TACC2: variants seen among roughly 807,000 people sequenced by gnomAD.
TACC2 encodes transforming acidic coiled-coil containing protein 2, also known as transforming acidic coiled-coil-containing protein 2.
In TACC2, 137 loss-of-function variants were observed where a neutral mutation model predicts 227.3. That is an observed-to-expected ratio of 0.60 (90% confidence interval 0.52 to 0.69). The LOEUF (loss-of-function observed/expected upper bound fraction) is 0.69, where lower values mean the gene tolerates loss of function less well. Among genes scored for constraint, TACC2 ranks in the 30% least tolerant of loss-of-function variants. The pLI is 0.00. For missense variants in TACC2, 3,470 were observed against 3,694.4 expected (o/e 0.94, Z 1.57); for synonymous variants, 1,523 against 1,487.5 (o/e 1.02, Z -0.55).
chr10:122,022,928 C>A (rs1340103702), intron 2 of TACC2: 1 of 152,210 alleles, frequency 6.6e-6, no homozygotes, highest in Non-Finnish European at 1.5e-5. Flanking sequence ...AAGACACTTT[C>A]TCATTTATCT....
At chr10:122,097,424 A>G (rs949539961) in intron 5 of TACC2, among the ~76,000 whole-genome samples, 6 of 152,036 alleles carry the variant, frequency 3.9e-5, no homozygotes, top group Admixed American at 3.3e-4. Flanking sequence ...AGGGGAAGGG[A>G]GTCTATGTCC....
At chr10:122,021,907 C>G (rs1306880677) in intron 1 of TACC2, 30 bp from the exon 2 acceptor site, 1 of 1,373,426 alleles carries the variant, frequency 7.3e-7, no homozygotes, top group African/African-American at 1.4e-5. Context: ...TTTCATTTCA[C>G]AGACGTTTAT....
intron 1 of TACC2, among the ~76,000 whole-genome samples, chr10:122,016,108 T>G (rs1956578192): frequency 1.4e-5 from 2 of 142,122 alleles, no homozygotes; most frequent in African/African-American, 5.3e-5. Flanking sequence ...AAAAAAATAC[T>G]AAGAGTAGCC....
In TACC2 at chr10:122,086,015, C is replaced by T. The variant is rs750833650; in HGVS notation, c.3515C>T (p.Ala1172Val). 1 of 1,613,926 alleles carries T rather than the reference C, an allele frequency of 6.2e-7. No individual in the cohort carries two copies. Among genetic ancestry groups the T allele is most frequent in the Non-Finnish European group, 8.5e-7 (1 of 1,180,012 alleles). The change falls in exon 4 of 23, where the codon GCT becomes GTT. Residue 1172 changes from alanine (A) to valine (V), a missense_variant. By Grantham distance (64) the Ala-to-Val change is moderately conservative (BLOSUM62 0). This residue lies in a region of TACC2 where 1,924 missense variants were observed against 1,978.3 expected (regional missense o/e 0.97). Transcript: ENST00000369005. ...CACTGCCTTACCTCCGGGGAGGAAG[C>T]TTCTACCTCTGCCCTACGTGAGTCC... The part of the protein sequence containing the change: ...TEHCLTSGEE[A>V]STSALRESCQ...
Position 122,216,659 on chromosome 10 carries a change from A to G in TACC2, c.7377A>G (p.Pro2459=), listed in dbSNP as rs746649237. The G allele has an allele frequency of 6.2e-7, 1 of 1,613,626 alleles. No homozygotes were observed. Among genetic ancestry groups the G allele is most frequent in the Non-Finnish European group, 8.5e-7 (1 of 1,179,896 alleles). Residue 2459 remains proline, a synonymous_variant, in exon 11 of 23, where the codon CCA becomes CCG. Coordinates refer to ENST00000369005, the MANE Select transcript of TACC2 (RefSeq NM_206862.4). The part of the protein sequence containing the change: ...DPTPAATPET[P]PVISAVVHAT... Reference sequence around the variant, plus strand: ...CCCCAGCTGCTACACCAGAAACACCACCAGTGATCTCTGCGGTGGTCCACG... The same window carrying G: ...CCCCAGCTGCTACACCAGAAACACCGCCAGTGATCTCTGCGGTGGTCCACG...
In TACC2 at chr10:122,083,644, G is replaced by A. The variant is rs1453929654; in HGVS notation, c.1144G>A (p.Gly382Arg). Residue 382 changes from glycine (G) to arginine (R), a missense_variant, in exon 4 of 23, where the codon GGA (glycine) becomes AGA (arginine). Transcript: ENST00000369005. The part of the protein sequence containing the change: ...VQGHPQTGMR[G>R]TKPNQVVCVA... ...GGGTCACCCACAGACAGGGATGCGA[G>A]GAACCAAGCCCAATCAAGTTGTCTG... 2 of 1,611,208 alleles carry A rather than the reference G, an allele frequency of 1.2e-6. No individual in the cohort carries two copies. The highest frequency in any genetic ancestry group is 2.2e-5 in the East Asian group (1 of 44,876).
intron 1 of TACC2, among the ~76,000 whole-genome samples, chr10:122,017,818 C>CAA (rs5788525): frequency 0.036 from 2,695 of 74,868 alleles, 209 homozygotes; most frequent in African/African-American, 0.11. Flanking sequence ...GAAACTGTCT[C>CAA]AAAAAAAAAA....
In TACC2 at chr10:122,085,503, G is replaced by A. The variant is rs1318279705; in HGVS notation, c.3003G>A (p.Leu1001=). ...CTCAACAGGCATTGGCTGATGCCTTGGAAGAAGGCAGCCAGCATGAAGAAG... is the reference window on the plus strand; with the variant it reads ...CTCAACAGGCATTGGCTGATGCCTTAGAAGAAGGCAGCCAGCATGAAGAAG... ...NKSQQALADA[L]EEGSQHEEAC... is the part of the protein sequence containing the mutation. Residue 1001 remains leucine, a synonymous_variant, in exon 4 of 23, where the codon TTG becomes TTA. Transcript: ENST00000369005. 1.9e-6 allele frequency: 3 copies of A among 1,613,468 alleles called. No homozygotes were observed. The African/African-American group carries it at 4.0e-5, about 22-fold the overall frequency.
chr10:122,237,274 C>G, intron 16 of TACC2, 121 bp from the exon 17 acceptor site: 1 of 980,118 alleles, frequency 1.0e-6, no homozygotes, highest in Non-Finnish European at 1.5e-6. Flanking sequence ...CTTTCTCATA[C>G]TTTTGATGTT....
intron 7 of TACC2, among the ~76,000 whole-genome samples, chr10:122,193,080 G>T (rs1238357626): frequency 6.6e-6 from 1 of 152,184 alleles, no homozygotes; most frequent in Admixed American, 6.5e-5. Flanking sequence ...ATGAGTGTTT[G>T]TAAGAAGTCA....
In TACC2 at chr10:122,249,024, G is replaced by T. The variant is rs760198178; in HGVS notation, c.8554-26G>T. 2.5e-6 allele frequency: 4 copies of T among 1,597,194 alleles called. No individual in the cohort carries two copies. In the East Asian group the frequency reaches 9.0e-5, roughly 36 times the overall value. Reference sequence around the variant, plus strand: ...GGGCATTTGTTCTCGTGGGCTTGACGCCTGTCCTCTGCCCTGCTGTGTCAG... The same window carrying T: ...GGGCATTTGTTCTCGTGGGCTTGACTCCTGTCCTCTGCCCTGCTGTGTCAG... On this transcript the variant is annotated intron_variant, in intron 20 of 22. Coordinates refer to ENST00000369005, the MANE Select transcript of TACC2 (RefSeq NM_206862.4).
At chr10:122,074,785 G>C (rs1205040083) in intron 3 of TACC2, among the ~76,000 whole-genome samples, 1 of 152,188 alleles carries the variant, frequency 6.6e-6, no homozygotes, top group Non-Finnish European at 1.5e-5. Flanking sequence ...AAGCTTATCT[G>C]TGTCACTGTG....
rs1005068564 is a variant in TACC2, at chr10:122,180,589, C to T, written c.5835-14451C>T. Among the ~76,000 whole-genome samples the T allele has an allele frequency of 6.6e-6, 1 of 152,176 alleles. No individual in the cohort carries two copies. Among genetic ancestry groups the T allele is most frequent in the African/African-American group, 2.4e-5 (1 of 41,444 alleles). On this transcript the variant is annotated intron_variant, in intron 7 of 22. Transcript: ENST00000369005. The surrounding 1 kb of genome is among the most constrained non-coding windows in gnomAD (Gnocchi z 4.5). ...TCCTGACCTTGTGATCCACCTGCCT[C>T]GGCGTCCCGAAGTGCTGGGATTACA...
At chr10:122,198,634 C>T (rs1285720881) in intron 8 of TACC2, among the ~76,000 whole-genome samples, 3 of 152,226 alleles carry the variant, frequency 2.0e-5, no homozygotes, top group Admixed American at 6.5e-5. Context: ...CAGTGACACG[C>T]GGAGGTTACG....
At chr10:122,030,390 A>G (rs546213883) in intron 2 of TACC2, among the ~76,000 whole-genome samples, 1 of 152,160 alleles carries the variant, frequency 6.6e-6, no homozygotes, top group Non-Finnish European at 1.5e-5. Flanking sequence ...TGCTGTATAC[A>G]TTGTCAAAAT....
At chr10:122,082,611 A>G in intron 3 of TACC2, 36 bp from the exon 4 acceptor site, 4 of 1,570,296 alleles carry the variant, frequency 2.5e-6, no homozygotes, top group Non-Finnish European at 3.5e-6. Flanking sequence ...TGTCCTTGGC[A>G]TCCATGATAA....
chr10:122,166,015 A>G (rs1483037690), intron 7 of TACC2, among the ~76,000 whole-genome samples: 1 of 152,218 alleles, frequency 6.6e-6, no homozygotes. Flanking sequence ...CCATGCAGCT[A>G]AAAATGCATG....
At chr10:122,008,550 G>A (rs1457347063) in intron 1 of TACC2, among the ~76,000 whole-genome samples, 4 of 148,734 alleles carry the variant, frequency 2.7e-5, no homozygotes, top group Non-Finnish European at 4.5e-5. Context: ...ATGAGCCACT[G>A]CGCCCAGCAC....
chr10:122,169,353 G>A (rs1447270535), intron 7 of TACC2, among the ~76,000 whole-genome samples: 1 of 152,148 alleles, frequency 6.6e-6, no homozygotes, highest in African/African-American at 2.4e-5. Flanking sequence ...CTGCAAGGTG[G>A]GTGACTTCTA....
Sources: gnomAD v4.1 joint callset for allele counts (sites outside exome capture counted in the v4.1 genomes callset) on GRCh38, gnomAD v4.1.1 for gene constraint, gnomAD v4.1.1 regional missense constraint, Gnocchi (gnomAD v3.1) non-coding constraint, MANE v1.5 for transcripts, NCBI Gene and HGNC (gene_info 2026-07-23, HGNC 2026-07-21) for gene names.